Variants in CWC27 observed in about 807,000 individuals in gnomAD.
CWC27 encodes spliceosome-associated protein CWC27 homolog.
Under a neutral mutation model 63.6 loss-of-function variants are expected in CWC27, and 47 were observed. That is an observed-to-expected ratio of 0.74 (90% confidence interval 0.58 to 0.94). The LOEUF (loss-of-function observed/expected upper bound fraction) is 0.94, where lower values mean the gene tolerates loss of function less well. Ranked by LOEUF, CWC27 falls within the 40% of genes least tolerant of loss-of-function variation. The pLI is 0.00. For synonymous variants in CWC27, 175 were observed against 179.8 expected, an observed-to-expected ratio of 0.97 and a Z score of 0.22; for missense variants, 495 against 554.3, an observed-to-expected ratio of 0.89 and a Z score of 1.07.
intron 10 of CWC27, among the ~76,000 whole-genome samples, chr5:64,838,850 T>C (rs1745729156): frequency 6.6e-6 from 1 of 152,198 alleles, no homozygotes; most frequent in South Asian, 2.1e-4. Flanking sequence ...TGTTTGGATT[T>C]AGAATGATTT....
At chr5:64,807,757 T>G (rs1400492061) in intron 10 of CWC27, 1 of 1,535,838 alleles carries the variant, frequency 6.5e-7, no homozygotes, top group Non-Finnish European at 8.7e-7. Flanking sequence ...TACTTCACAC[T>G]TCAAACTCAC....
chr5:64,889,302 T>C (rs942117090), intron 11 of CWC27, among the ~76,000 whole-genome samples: 10 of 152,334 alleles, frequency 6.6e-5, no homozygotes, highest in Middle Eastern at 3.4e-3. Context: ...ATTGGCATGG[T>C]TTTGATCACT....
chr5:65,017,765 A>G (rs1309246985), intron 13 of CWC27, among the ~76,000 whole-genome samples: 1 of 152,200 alleles, frequency 6.6e-6, no homozygotes, highest in African/African-American at 2.4e-5. Flanking sequence ...GGGCTGGCTT[A>G]TTGTCTTGAG....
Position 64,774,674 on chromosome 5 carries a change from T to A in CWC27, c.43-17T>A. 7.0e-7 allele frequency: 1 copy of A among 1,423,328 alleles called. No homozygotes were observed. The highest frequency in any genetic ancestry group is 9.6e-7 in the Non-Finnish European group (1 of 1,044,738). The allele number at this position is 1,423,328 out of a possible 1,614,324, so 88.2% of individuals were successfully genotyped here. A position where few individuals can be genotyped will look rare whatever the true frequency, so the allele number is the denominator to read the frequency against. On this transcript the variant is annotated splice_polypyrimidine_tract_variant and intron_variant, in intron 1 of 13. Transcript: ENST00000381070. ...AGCAAAATAATAATTTAATAAAATG[T>A]AATATTCTTTCTACAGGTTTTATTG...
chr5:64,834,205 G>A (rs1378681460), intron 10 of CWC27, among the ~76,000 whole-genome samples: 1 of 150,882 alleles, frequency 6.6e-6, no homozygotes, highest in African/African-American at 2.4e-5. Context: ...ATATCTGTTT[G>A]CGTAATAAGG....
intron 13 of CWC27, among the ~76,000 whole-genome samples, chr5:65,011,463 T>C (rs1412530112): frequency 2.0e-5 from 3 of 152,042 alleles, no homozygotes; most frequent in Non-Finnish European, 2.9e-5. Flanking sequence ...AAGTGTATAG[T>C]GTATATAGAG....
chr5:64,982,403 A>G lies in CWC27; in HGVS notation c.1256+5165A>G, dbSNP rs141881088. ...CACTGGTGCAGTCAAAGCTCACTCC[A>G]GCCTCAAAGTTCCAGGCTCAAGTGA... On this transcript the variant is annotated intron_variant, in intron 13 of 13. Transcript: ENST00000381070. Among the ~76,000 whole-genome samples, 678 of 152,036 alleles carry G rather than the reference A, an allele frequency of 4.5e-3. 6 individuals are homozygous for G. Among genetic ancestry groups the G allele is most frequent in the African/African-American group, 0.016 (647 of 41,476 alleles).
chr5:64,775,048 C>T (rs771287488), intron 2 of CWC27, among the ~76,000 whole-genome samples: 11 of 152,156 alleles, frequency 7.2e-5, no homozygotes, highest in East Asian at 5.8e-4. Context: ...TGCTATCTTA[C>T]GCTTCTTCCT....
chr5:64,931,942 C>T (rs1748245531), intron 11 of CWC27, among the ~76,000 whole-genome samples: 1 of 151,850 alleles, frequency 6.6e-6, no homozygotes, highest in Non-Finnish European at 1.5e-5. Context: ...TATATATTTC[C>T]TATTTTAAAC....
chr5:64,783,752 A>G, intron 3 of CWC27, 84 bp from the exon 4 acceptor site: 1 of 1,181,916 alleles, frequency 8.5e-7, no homozygotes, highest in Non-Finnish European at 1.1e-6. Flanking sequence ...TAGAAGTTGT[A>G]TGGGACCTTG....
At position 64,783,941 on chromosome 5, in the gene CWC27, G is replaced by A. The variant is rs2112166120; in HGVS notation, c.358G>A (p.Ala120Thr). 6.3e-7 allele frequency: 1 copy of A among 1,599,934 alleles called. No individual in the cohort carries two copies. Among genetic ancestry groups the A allele is most frequent in the African/African-American group, 1.3e-5 (1 of 74,158 alleles). ...GSQFFFTLGR[A>T]DELNNKHTIF... Reference sequence around the variant, plus strand: ...CCAGTTTTTCTTCACACTGGGTCGAGCAGATGAACTTAACAATAAGCATAC... The same window carrying A: ...CCAGTTTTTCTTCACACTGGGTCGAACAGATGAACTTAACAATAAGCATAC... The change falls in exon 4 of 14, where the codon GCA becomes ACA. Residue 120 changes from alanine (A) to threonine (T), a missense_variant. Physicochemically the swap from Ala to Thr is moderately conservative, Grantham distance 58. Transcript: ENST00000381070.
intron 2 of CWC27, among the ~76,000 whole-genome samples, chr5:64,780,080 G>T (rs183731601): frequency 3.8e-4 from 58 of 152,128 alleles, no homozygotes; most frequent in Admixed American, 9.8e-4. Flanking sequence ...TCCACCCACA[G>T]CCCCCAGCAA....
chr5:64,994,503 C>T (rs1404855448), intron 13 of CWC27, among the ~76,000 whole-genome samples: 1 of 152,134 alleles, frequency 6.6e-6, no homozygotes, highest in African/African-American at 2.4e-5. Flanking sequence ...AAAATTGAGA[C>T]ATAATTTACA....
chr5:64,842,557 C>T lies in CWC27; in HGVS notation c.938+38171C>T, dbSNP rs1299436594. Among the ~76,000 whole-genome samples the T allele has an allele frequency of 6.6e-5, 10 of 151,974 alleles. No individual in the cohort carries two copies. In the South Asian group the frequency reaches 8.3e-4, roughly 13 times the overall value. ...GACCTCGTGATCCACTCTCCTCAGC[C>T]TCCTAAAGTGCTGAGATTACAGGCG... On this transcript the variant is annotated intron_variant, in intron 10 of 13. Coordinates refer to ENST00000381070, the MANE Select transcript of CWC27 (RefSeq NM_005869.4).
intron 10 of CWC27, among the ~76,000 whole-genome samples, chr5:64,870,211 T>C (rs1746635298): frequency 6.6e-6 from 1 of 152,088 alleles, no homozygotes; most frequent in African/African-American, 2.4e-5. Flanking sequence ...TTCCTCATCA[T>C]GGTTAATAAA....
At chr5:64,776,336 A>C (rs2112148010) in intron 2 of CWC27, among the ~76,000 whole-genome samples, 1 of 152,222 alleles carries the variant, frequency 6.6e-6, no homozygotes, top group Middle Eastern at 3.4e-3. Context: ...AATTACAAAA[A>C]CATTAGAAAG....
At chr5:64,796,497 G>A (rs1359017394) in intron 7 of CWC27, among the ~76,000 whole-genome samples, 1 of 152,022 alleles carries the variant, frequency 6.6e-6, no homozygotes, top group Non-Finnish European at 1.5e-5. Context: ...TGCTCTTAAG[G>A]CCTTCAACTG....
intron 11 of CWC27, among the ~76,000 whole-genome samples, chr5:64,914,342 G>A (rs994411684): frequency 1.1e-4 from 17 of 152,082 alleles, no homozygotes; most frequent in African/African-American, 3.9e-4. Context: ...CCTCTGTTCA[G>A]CAAGATACCT....
intron 13 of CWC27, among the ~76,000 whole-genome samples, chr5:64,978,827 A>G (rs952683122): frequency 6.6e-6 from 1 of 152,162 alleles, no homozygotes; most frequent in African/African-American, 2.4e-5. Flanking sequence ...TTGATGCCCA[A>G]TAAGTTTTTT....
Sources: allele counts gnomAD v4.1 joint callset (sites outside exome capture counted in the v4.1 genomes callset), GRCh38; gene constraint gnomAD v4.1.1; transcripts MANE v1.5; gene names NCBI Gene and HGNC (gene_info 2026-07-23, HGNC 2026-07-21).